PPP1R12B: variants seen among roughly 807,000 people sequenced by gnomAD.
PPP1R12B encodes the protein myosin phosphatase target subunit 2.
PPP1R12B carries 76 observed loss-of-function variants against 126.1 expected under a neutral mutation model. That is an observed-to-expected ratio of 0.60 (90% confidence interval 0.50 to 0.73). The LOEUF is 0.73. Ranked by LOEUF, PPP1R12B falls within the 30% of genes least tolerant of loss-of-function variation. PPP1R12B has a pLI of 0.00. For missense variants in PPP1R12B, 1,052 were observed against 1,205.1 expected, an observed-to-expected ratio of 0.87 and a Z score of 1.88; for synonymous variants, 356 against 434.7, an observed-to-expected ratio of 0.82 and a Z score of 2.25.
intron 13 of PPP1R12B, among the ~76,000 whole-genome samples, chr1:202,473,083 G>T (rs1157472788): frequency 6.6e-6 from 1 of 152,194 alleles, no homozygotes; most frequent in Non-Finnish European, 1.5e-5. Context: ...GCTTAGTTTG[G>T]CTGAGGGAAA....
At chr1:202,442,833 G>C (rs1671801405) in intron 12 of PPP1R12B, among the ~76,000 whole-genome samples, 1 of 152,052 alleles carries the variant, frequency 6.6e-6, no homozygotes, top group Non-Finnish European at 1.5e-5. Context: ...CTTTCAATCA[G>C]AAGTGGCTTT....
At chr1:202,383,191 A>G (rs1432250503) in intron 1 of PPP1R12B, among the ~76,000 whole-genome samples, 1 of 152,214 alleles carries the variant, frequency 6.6e-6, no homozygotes. Flanking sequence ...TTACAATCCC[A>G]TCTTATTAAA....
chr1:202,434,717 G>A lies in PPP1R12B; in HGVS notation c.1203G>A (p.Glu401=), dbSNP rs1406372048. ...CTGAAAGCAAGAGTAGTATCACAGA[G>A]CAGATACCAGCACCAGCTCAAAATA... ...SNSESKSSIT[E]QIPAPAQNTF... The change falls in exon 9 of 24, where the codon GAG becomes GAA. Residue 401 remains glutamate (E), a synonymous_variant. Coordinates refer to ENST00000608999, the MANE Select transcript of PPP1R12B (RefSeq NM_002481.4). The A allele has an allele frequency of 6.2e-7, 1 of 1,613,832 alleles. No individual in the cohort carries two copies. Among genetic ancestry groups the A allele is most frequent in the Non-Finnish European group, 8.5e-7 (1 of 1,179,964 alleles).
intron 13 of PPP1R12B, among the ~76,000 whole-genome samples, chr1:202,471,534 C>T (rs532937300): frequency 4.1e-4 from 61 of 148,516 alleles, no homozygotes; most frequent in African/African-American, 1.2e-3. Context: ...CAGCAATGTA[C>T]GTGAGTTTCT....
chr1:202,403,639 T>C (rs1161203025), intron 1 of PPP1R12B, among the ~76,000 whole-genome samples: 1 of 152,236 alleles, frequency 6.6e-6, no homozygotes, highest in African/African-American at 2.4e-5. Flanking sequence ...GGCACTGATT[T>C]CTCTAGGCTC....
At chr1:202,416,300 GTGGA>G (rs920329980) in intron 1 of PPP1R12B, among the ~76,000 whole-genome samples, 2 of 152,136 alleles carry the variant, frequency 1.3e-5, no homozygotes, top group African/African-American at 4.8e-5. Flanking sequence ...GCTGAGGTGG[GTGGA>G]TGACCTGAGG....
chr1:202,432,392 T>C (rs565302568), intron 8 of PPP1R12B, among the ~76,000 whole-genome samples: 88 of 152,054 alleles, frequency 5.8e-4, no homozygotes, highest in African/African-American at 1.9e-3. Flanking sequence ...CCTCAGCCTC[T>C]CAGTAGCTGG....
intron 18 of PPP1R12B, among the ~76,000 whole-genome samples, chr1:202,555,829 G>A (rs537105344): frequency 2.6e-5 from 4 of 151,910 alleles, no homozygotes; most frequent in Admixed American, 1.3e-4. Flanking sequence ...CCAAAGGTAC[G>A]AAGTTTTAAC....
At chr1:202,503,978 C>G (rs1021303301) in intron 18 of PPP1R12B, among the ~76,000 whole-genome samples, 8 of 152,120 alleles carry the variant, frequency 5.3e-5, no homozygotes, top group African/African-American at 1.9e-4. Flanking sequence ...CTTACTACAT[C>G]AGAGGGATTC....
At chr1:202,435,224 T>G (rs545784136) in intron 9 of PPP1R12B, among the ~76,000 whole-genome samples, 91 of 152,330 alleles carry the variant, frequency 6.0e-4, no homozygotes, top group African/African-American at 2.0e-3. Flanking sequence ...TATGAATTTT[T>G]GGAGGACACA....
chr1:202,483,273 A>C (rs1171811966), intron 13 of PPP1R12B, among the ~76,000 whole-genome samples: 1 of 141,852 alleles, frequency 7.0e-6, no homozygotes, highest in Non-Finnish European at 1.5e-5. Flanking sequence ...TTCTATGAAG[A>C]ACACCTTTTT....
At chr1:202,497,826 T>A (rs936187596) in intron 18 of PPP1R12B, among the ~76,000 whole-genome samples, 1 of 152,208 alleles carries the variant, frequency 6.6e-6, no homozygotes, top group Non-Finnish European at 1.5e-5. Context: ...GTATGAATTA[T>A]AGCAACTCTT....
chr1:202,515,849 C>A (rs1682083915), intron 18 of PPP1R12B, among the ~76,000 whole-genome samples: 1 of 152,212 alleles, frequency 6.6e-6, no homozygotes, highest in Admixed American at 6.5e-5. Context: ...ACCACCACAC[C>A]TGGCCTCGTA....
intron 20 of PPP1R12B, among the ~76,000 whole-genome samples, chr1:202,564,149 A>G (rs1354165536): frequency 1.3e-5 from 2 of 152,234 alleles, no homozygotes; most frequent in East Asian, 3.8e-4. Context: ...GTTCCAAAAA[A>G]AAATTGTCTT....
chr1:202,430,864 TACTTA>T (rs1670102666), intron 7 of PPP1R12B, 54 bp downstream of exon 7: 1 of 1,557,560 alleles, frequency 6.4e-7, no homozygotes, highest in African/African-American at 1.4e-5. Flanking sequence ...GTCAGTGACA[TACTTA>T]ACTTCAGAAT....
At chr1:202,423,515 G>C (rs1305071133) in intron 3 of PPP1R12B, among the ~76,000 whole-genome samples, 2 of 152,200 alleles carry the variant, frequency 1.3e-5, no homozygotes, top group East Asian at 3.8e-4. Context: ...TGCCACAACA[G>C]CAGAGTTGAG....
At chr1:202,558,977 T>C (rs1687244181) in intron 19 of PPP1R12B, 84 bp downstream of exon 19, 2 of 1,343,982 alleles carry the variant, frequency 1.5e-6, no homozygotes, top group African/African-American at 1.5e-5. Context: ...ATATAATAAT[T>C]CAGTAATGTT....
intron 13 of PPP1R12B, among the ~76,000 whole-genome samples, chr1:202,485,806 A>T (rs1222462445): frequency 6.6e-6 from 1 of 151,988 alleles, no homozygotes; most frequent in African/African-American, 2.4e-5. Flanking sequence ...TGTGGAGAGG[A>T]TGGGCTTTAG....
chr1:202,550,559 G>A (rs1405352802), intron 18 of PPP1R12B, among the ~76,000 whole-genome samples: 2 of 152,176 alleles, frequency 1.3e-5, no homozygotes, highest in Admixed American at 6.5e-5. Flanking sequence ...TGTTCATTGA[G>A]GCTGTGTTTT....
Sources: gnomAD v4.1 joint callset for allele counts (sites outside exome capture counted in the v4.1 genomes callset) on GRCh38, gnomAD v4.1.1 for gene constraint, MANE v1.5 for transcripts, NCBI Gene and HGNC (gene_info 2026-07-23, HGNC 2026-07-21) for gene names.